The following STOML2 variants were observed in gnomAD, a reference collection of about 807,000 sequenced individuals.
STOML2 encodes the protein stomatin-like protein 2, mitochondrial.
Under a neutral mutation model 45.7 loss-of-function variants are expected in STOML2, and 22 were observed. The ratio of observed to expected loss-of-function variants is 0.48; its 90% CI spans 0.34 to 0.69. The LOEUF (loss-of-function observed/expected upper bound fraction) is 0.69. Among genes scored for constraint, STOML2 ranks in the 30% least tolerant of loss-of-function variants. The pLI is 0.01. For missense variants in STOML2, 359 were observed against 466.9 expected, an observed-to-expected ratio of 0.77 and a Z score of 2.13; for synonymous variants, 181 against 182.7, an observed-to-expected ratio of 0.99 and a Z score of 0.08.
At chr9:35,100,258 C>T in intron 9 of STOML2, 86 bp from the exon 10 acceptor site, 2 of 1,538,586 alleles carry the variant, frequency 1.3e-6, no homozygotes, top group African/African-American at 2.7e-5. Flanking sequence ...GAAAAGATGG[C>T]ATGGGGGCCA....
At position 35,100,092 on chromosome 9, in the gene STOML2, A is replaced by C. The variant is rs1829785692; in HGVS notation, c.1014T>G (p.Asp338Glu). The change falls in exon 10 of 10, where the codon GAT becomes GAG. Residue 338 changes from aspartate to glutamate, a missense_variant. Physicochemically the swap from Asp to Glu is conservative, Grantham distance 45 (BLOSUM62 2). Coordinates refer to ENST00000356493, the MANE Select transcript of STOML2 (RefSeq NM_013442.3). Reference sequence around the variant, plus strand: ...CAAGACTTGCATCTGTACCCTGGACATCTCTGCTGCTCCCACTGGAGAGTG... The same window carrying C: ...CAAGACTTGCATCTGTACCCTGGACCTCTCTGCTGCTCCCACTGGAGAGTG... ...PDSLSSGSSR[D>E]VQGTDASLDE... is the part of the protein sequence containing the mutation. 1 of 1,614,212 alleles carries C rather than the reference A, an allele frequency of 6.2e-7. No individual in the cohort carries two copies. The highest frequency in any genetic ancestry group is 8.5e-7 in the Non-Finnish European group (1 of 1,180,034).
Position 35,102,743 on chromosome 9 carries a change from C to T in STOML2, c.126G>A (p.Pro42=). The change falls in exon 2 of 10, where the codon CCG becomes CCA. Residue 42 remains proline, a synonymous_variant. Coordinates refer to ENST00000356493, the MANE Select transcript of STOML2 (RefSeq NM_013442.3). This position sits in a 1 kb window ranked among gnomAD's most constrained non-coding sequence, Gnocchi z 4.8. ...LPRNTVVLFV[P]QQEAWVVERM... is the part of the protein sequence containing the mutation. ...GCTCCACCACCCAGGCCTCCTGCTG[C>T]GGCACGAACAGTACCACGGTGTTTC... 6.2e-7 allele frequency: 1 copy of T among 1,613,938 alleles called. No homozygotes were observed. The highest frequency in any genetic ancestry group is 2.2e-5 in the East Asian group (1 of 44,870).
In STOML2 at chr9:35,101,945, T is replaced by G. The variant is rs768827289; in HGVS notation, c.301A>C (p.Ile101Leu). 11 of 1,613,806 alleles carry G rather than the reference T, an allele frequency of 6.8e-6. No individual in the cohort carries two copies. The highest frequency in any genetic ancestry group is 1.3e-5 in the African/African-American group (1 of 74,816). Residue 101 changes from isoleucine to leucine, a missense_variant, in exon 4 of 10, where the codon ATC becomes CTC. Physicochemically the swap from Ile to Leu is conservative, Grantham distance 5. Transcript: ENST00000356493. This position sits in a 1 kb window ranked among gnomAD's most constrained non-coding sequence, Gnocchi z 4.3. Reference protein sequence around the residue: ...AVTLDNVTLQIDGVLYLRIMD... With the variant: ...AVTLDNVTLQLDGVLYLRIMD... The stretch of plus-strand genomic sequence containing the variant: ...ATGCGCAGGTAAAGGACTCCATCGA[T>G]TTGCAGAGTTACATTGTCTGTAGAA...
chr9:35,100,186 C>G lies in STOML2; in HGVS notation c.934-14G>C. On this transcript the variant is annotated splice_polypyrimidine_tract_variant and intron_variant, in intron 9 of 9. Transcript: ENST00000356493. ...TACACCCATGGCCTGAGGAGAGGAACAGAGAGAATACCATGAGGACACTTG... is the reference window on the plus strand; with the variant it reads ...TACACCCATGGCCTGAGGAGAGGAAGAGAGAGAATACCATGAGGACACTTG... The G allele has an allele frequency of 6.2e-7, 1 of 1,613,554 alleles. No homozygotes were observed. The highest frequency in any genetic ancestry group is 8.5e-7 in the Non-Finnish European group (1 of 1,179,756).
Position 35,101,679 on chromosome 9 carries a change from C to G in STOML2, c.444+31G>C, listed in dbSNP as rs1409014511. The G allele has an allele frequency of 1.9e-6, 3 of 1,614,100 alleles. No individual in the cohort carries two copies. The highest frequency in any genetic ancestry group is 1.1e-5 in the South Asian group (1 of 91,054). Reference sequence around the variant, plus strand: ...ATTAAGAGTGTCAGGTTTGTGTCTTCAAACCCTAACTCTGGCTCAGATCTG... The same window carrying G: ...ATTAAGAGTGTCAGGTTTGTGTCTTGAAACCCTAACTCTGGCTCAGATCTG... On this transcript the variant is annotated intron_variant, in intron 5 of 9. Transcript: ENST00000356493. The surrounding 1 kb of genome is among the most constrained non-coding windows in gnomAD (Gnocchi z 4.3).
chr9:35,099,874 CCAAT>C lies in STOML2; in HGVS notation c.*157_*160del, dbSNP rs2131092399. 1 of 789,350 alleles carries C rather than the reference CCAAT, an allele frequency of 1.3e-6. No individual in the cohort carries two copies. The allele number at this position is 789,350 out of a possible 1,614,324, so 48.9% of individuals were successfully genotyped here. The stretch of plus-strand genomic sequence containing the variant: ...CTAGTGACTTTCCCAACTTCATTCC[CCAAT>C]CAAAGAGGACAGTTTCTGGTTTGCC... On this transcript the variant is annotated 3_prime_UTR_variant, in exon 10 of 10. Transcript: ENST00000356493.
Position 35,102,930 on chromosome 9 carries a change from C to T in STOML2, c.46-107G>A. 6.4e-7 allele frequency: 1 copy of T among 1,573,856 alleles called. No homozygotes were observed. Among genetic ancestry groups the T allele is most frequent in the Non-Finnish European group, 8.6e-7 (1 of 1,158,058 alleles). ...ACGACCCTCAGGATCCTCGGAGAATCACATGGGGACCATGACCTCTGACCC... is the reference window on the plus strand; with the variant it reads ...ACGACCCTCAGGATCCTCGGAGAATTACATGGGGACCATGACCTCTGACCC... On this transcript the variant is annotated intron_variant, in intron 1 of 9. Coordinates refer to ENST00000356493, the MANE Select transcript of STOML2 (RefSeq NM_013442.3). This position sits in a 1 kb window ranked among gnomAD's most constrained non-coding sequence, Gnocchi z 4.8.
Position 35,101,536 on chromosome 9 carries a change from T to G in STOML2, c.469A>C (p.Ile157Leu). The stretch of plus-strand genomic sequence containing the variant: ...GCAGCTTGGTTGATGGCATCCACAA[T>G]GCTGGCATTCAGGGACTCCCGTTCC... Reference protein sequence around the residue: ...FRERESLNASIVDAINQAADC... With the variant: ...FRERESLNASLVDAINQAADC... Residue 157 changes from isoleucine (I) to leucine (L), a missense_variant, in exon 6 of 10, where the codon ATT becomes CTT. Ile to Leu is a conservative substitution (Grantham distance 5). Coordinates refer to ENST00000356493, the MANE Select transcript of STOML2 (RefSeq NM_013442.3). This position sits in a 1 kb window ranked among gnomAD's most constrained non-coding sequence, Gnocchi z 4.3. 4 of 1,614,090 alleles carry G rather than the reference T, an allele frequency of 2.5e-6. No homozygotes were observed. The highest frequency in any genetic ancestry group is 3.4e-6 in the Non-Finnish European group (4 of 1,180,018).
In STOML2 at chr9:35,101,198, TC is replaced by T; in HGVS notation, c.660del (p.Lys221ArgfsTer17). The T allele has an allele frequency of 6.2e-7, 1 of 1,614,178 alleles. No homozygotes were observed. Among genetic ancestry groups the T allele is most frequent in the Non-Finnish European group, 8.5e-7 (1 of 1,180,034 alleles). ...GAGGCCAGGATCTGGGCCTGTTTCT[TC>T]CCTTCTGCCACATTGATGGCCGACT... ...TRESAINVAE[G>X]KKQAQILASE... On this transcript the variant is annotated frameshift_variant, in exon 7 of 10. Transcript: ENST00000356493. LOFTEE classifies it high-confidence loss of function. The surrounding 1 kb of genome is among the most constrained non-coding windows in gnomAD (Gnocchi z 4.3).
chr9:35,102,119 G>T lies in STOML2; in HGVS notation c.259C>A (p.Pro87Thr). 6.2e-7 allele frequency: 1 copy of T among 1,613,854 alleles called. No homozygotes were observed. Among genetic ancestry groups the T allele is most frequent in the Non-Finnish European group, 8.5e-7 (1 of 1,179,976 alleles). Residue 87 changes from proline to threonine, a missense_variant, in exon 3 of 10, where the codon CCT becomes ACT. Pro to Thr is a conservative substitution (Grantham distance 38). Coordinates refer to ENST00000356493, the MANE Select transcript of STOML2 (RefSeq NM_013442.3). The surrounding 1 kb of genome is among the most constrained non-coding windows in gnomAD (Gnocchi z 4.8). ...QSLKEIVINV[P>T]EQSAVTLDNV... Reference sequence around the variant, plus strand: ...CCGAGAGTCACAGCCGACTGCTCAGGCACGTTGATGACAATTTCCTTGAGA... The same window carrying T: ...CCGAGAGTCACAGCCGACTGCTCAGTCACGTTGATGACAATTTCCTTGAGA...
At position 35,101,230 on chromosome 9, in the gene STOML2, G is replaced by T; in HGVS notation, c.629C>A (p.Thr210Asn). 6.2e-7 allele frequency: 1 copy of T among 1,614,114 alleles called. No homozygotes were observed. The highest frequency in any genetic ancestry group is 8.5e-7 in the Non-Finnish European group (1 of 1,180,022). ...TGCCACATTGATGGCCGACTCTCGG[G>T]TCCCCTCAGACTCTAGAACTGTGGC... ...KRATVLESEGTRESAINVAEG... is the reference protein window; with the variant it reads ...KRATVLESEGNRESAINVAEG... The change falls in exon 7 of 10, where the codon ACC becomes AAC. Residue 210 changes from threonine (T) to asparagine (N), a missense_variant. By Grantham distance (65) the Thr-to-Asn change is moderately conservative (BLOSUM62 0). This residue lies in a region of STOML2 where 285 missense variants were observed against 422.0 expected (regional missense o/e 0.68). Transcript: ENST00000356493. This position sits in a 1 kb window ranked among gnomAD's most constrained non-coding sequence, Gnocchi z 4.3.
chr9:35,102,870 G>C lies in STOML2; in HGVS notation c.46-47C>G, dbSNP rs767615814. The C allele has an allele frequency of 6.2e-7, 1 of 1,600,850 alleles. No homozygotes were observed. Among genetic ancestry groups the C allele is most frequent in the South Asian group, 1.1e-5 (1 of 89,834 alleles). On this transcript the variant is annotated intron_variant, in intron 1 of 9. Coordinates refer to ENST00000356493, the MANE Select transcript of STOML2 (RefSeq NM_013442.3). This position sits in a 1 kb window ranked among gnomAD's most constrained non-coding sequence, Gnocchi z 4.8. ...GCAGAGATCCCATCTGGCCAGACAC[G>C]CCGCCCCTCGGTCCTGAAGGCATCT...
rs766697214 is a variant in STOML2, at chr9:35,103,123, C to T, written c.-29G>A. 1.2e-6 allele frequency: 2 copies of T among 1,611,312 alleles called. No individual in the cohort carries two copies. The highest frequency in any genetic ancestry group is 1.7e-5 in the Admixed American group (1 of 59,758). On this transcript the variant is annotated 5_prime_UTR_variant, in exon 1 of 10. Coordinates refer to ENST00000356493, the MANE Select transcript of STOML2 (RefSeq NM_013442.3). The stretch of plus-strand genomic sequence containing the variant: ...CCACCGCCGCAGCGACCTCCGGAAC[C>T]AACGAGACGAGCGGAGCGGTCGCTC...
rs751529226 is a variant in STOML2 at position 35,100,820 on chromosome 9, C to G, written c.805-94G>C. On this transcript the variant is annotated intron_variant, in intron 8 of 9. Transcript: ENST00000356493. ...GAAAGCAGTTCACAATAAAAAGGAC[C>G]ATGTAATCTGGCTCAACAGAGCCCA... is the stretch of plus-strand genomic sequence containing the variant. 2.5e-6 allele frequency: 4 copies of G among 1,611,284 alleles called. No homozygotes were observed. In the South Asian group the frequency reaches 4.4e-5, roughly 18 times the overall value.
At position 35,101,166 on chromosome 9, in the gene STOML2, T is replaced by G. The variant is rs1473761296; in HGVS notation, c.693A>C (p.Ala231=). The change falls in exon 7 of 10, where the codon GCA becomes GCC. Residue 231 remains alanine, a synonymous_variant. Transcript: ENST00000356493. This position sits in a 1 kb window ranked among gnomAD's most constrained non-coding sequence, Gnocchi z 4.3. The part of the protein sequence containing the change: ...KKQAQILASE[A]EKAEQINQAA... ...CCTGATTTATCTGTTCAGCCTTTTC[T>G]GCTTCGGAGGCCAGGATCTGGGCCT... 16 of 1,614,110 alleles carry G rather than the reference T, an allele frequency of 9.9e-6. No individual in the cohort carries two copies. The highest frequency in any genetic ancestry group is 1.4e-5 in the Non-Finnish European group (16 of 1,180,052).
In STOML2 at chr9:35,102,427, G is replaced by C; in HGVS notation, c.184-233C>G. On this transcript the variant is annotated intron_variant, in intron 2 of 9. Coordinates refer to ENST00000356493, the MANE Select transcript of STOML2 (RefSeq NM_013442.3). The surrounding 1 kb of genome is among the most constrained non-coding windows in gnomAD (Gnocchi z 4.8). ...GGGAGAGTCATGAGAATCGGAGCCA[G>C]CAGAATAGCCATCTCTATGCAGACT... The C allele has an allele frequency of 1.5e-6, 1 of 660,548 alleles. No individual in the cohort carries two copies. Among genetic ancestry groups the C allele is most frequent in the Non-Finnish European group, 2.6e-6 (1 of 391,812 alleles). 40.9% of individuals were successfully genotyped at this position (660,548 alleles called of 1,614,324 possible).
rs1379684465 is a variant in STOML2 at position 35,101,583 on chromosome 9, C to T, written c.445-23G>A. 8 of 1,613,858 alleles carry T rather than the reference C, an allele frequency of 5.0e-6. No homozygotes were observed. The highest frequency in any genetic ancestry group is 6.8e-6 in the Non-Finnish European group (8 of 1,180,030). On this transcript the variant is annotated intron_variant, in intron 5 of 9. Transcript: ENST00000356493. The surrounding 1 kb of genome is among the most constrained non-coding windows in gnomAD (Gnocchi z 4.3). ...TTCCTGGAAAAAGAGGTGTAAGCCC[C>T]ACAGCCTCAACCTACCTATCAAGGG... is the stretch of plus-strand genomic sequence containing the variant.
rs942918065 is a variant in STOML2, at chr9:35,102,293, C to T, written c.184-99G>A. ...GTAGGGAGTCAACACATGGAACATG[C>T]CCAGAAAAGCAGCAGCTCCTACCAA... On this transcript the variant is annotated intron_variant, in intron 2 of 9. Coordinates refer to ENST00000356493, the MANE Select transcript of STOML2 (RefSeq NM_013442.3). The surrounding 1 kb of genome is among the most constrained non-coding windows in gnomAD (Gnocchi z 4.8). 1.8e-5 allele frequency: 18 copies of T among 1,007,494 alleles called. No individual in the cohort carries two copies. In the African/African-American group the frequency reaches 2.8e-4, roughly 16 times the overall value. The allele number at this position is 1,007,494 out of a possible 1,614,324, so 62.4% of individuals were successfully genotyped here.
Position 35,102,563 on chromosome 9 carries a change from G to A in STOML2, c.183+123C>T. 6.8e-7 allele frequency: 1 copy of A among 1,475,934 alleles called. No individual in the cohort carries two copies. Among genetic ancestry groups the A allele is most frequent in the East Asian group, 2.3e-5 (1 of 44,050 alleles). 91.4% of individuals were successfully genotyped at this position (1,475,934 alleles called of 1,614,324 possible). ...ATGGTCAGCAGCCTGGGCCCTGTCA[G>A]GTCTGGCCTACAGAGTCGGGAGCTA... On this transcript the variant is annotated intron_variant, in intron 2 of 9. Transcript: ENST00000356493. This position sits in a 1 kb window ranked among gnomAD's most constrained non-coding sequence, Gnocchi z 4.8.
Sources: gnomAD v4.1 joint callset for allele counts on GRCh38, gnomAD v4.1.1 for gene constraint, gnomAD v4.1.1 regional missense constraint, Gnocchi (gnomAD v3.1) non-coding constraint, MANE v1.5 for transcripts, NCBI Gene and HGNC (gene_info 2026-07-23, HGNC 2026-07-21) for gene names.